The following RAB31 variants were observed in gnomAD, a reference collection of about 807,000 sequenced individuals.
The protein encoded by RAB31 is ras-related protein Rab-31.
Under a neutral mutation model 25.6 loss-of-function variants are expected in RAB31, and 21 were observed. That is an observed-to-expected ratio of 0.82 (90% CI 0.58 to 1.18). RAB31 has a LOEUF of 1.18. Ranked by LOEUF, RAB31 falls within the 50% of genes most tolerant of loss-of-function variation. RAB31 has a pLI of 0.00. For synonymous variants in RAB31, 87 were observed against 84.0 expected (o/e 1.04, Z -0.20); for missense variants, 196 against 250.1 (o/e 0.78, Z 1.46).
intron 1 of RAB31, among the ~76,000 whole-genome samples, chr18:9,736,371 G>T (rs912997533): frequency 6.6e-6 from 1 of 152,156 alleles, no homozygotes; most frequent in South Asian, 2.1e-4. Context: ...CTTATTCCCT[G>T]TCCAGACCTT....
intron 1 of RAB31, among the ~76,000 whole-genome samples, chr18:9,744,633 C>T (rs1028982164): frequency 2.6e-5 from 4 of 152,118 alleles, no homozygotes; most frequent in Admixed American, 2.6e-4. Flanking sequence ...ACAAGAGGAA[C>T]TTGGATGCAA....
intron 1 of RAB31, among the ~76,000 whole-genome samples, chr18:9,759,853 G>A (rs1268830717): frequency 2.0e-5 from 3 of 152,054 alleles, no homozygotes; most frequent in African/African-American, 7.3e-5. Context: ...AGGATCTTGG[G>A]GTGCTGGGGG....
chr18:9,841,979 G>A (rs1599063161), intron 5 of RAB31, among the ~76,000 whole-genome samples: 4 of 152,104 alleles, frequency 2.6e-5, no homozygotes, highest in African/African-American at 9.7e-5. Flanking sequence ...GTCTCATGGG[G>A]CCTAATGCAG....
At chr18:9,746,052 C>T (rs953372319) in intron 1 of RAB31, among the ~76,000 whole-genome samples, 1 of 152,178 alleles carries the variant, frequency 6.6e-6, no homozygotes, top group African/African-American at 2.4e-5. Flanking sequence ...ACTACTGGAA[C>T]TAATACATTC....
chr18:9,859,141 C>A (rs2068834257), intron 6 of RAB31, 87 bp from the exon 7 acceptor site: 1 of 770,400 alleles, frequency 1.3e-6, no homozygotes, highest in Non-Finnish European at 1.9e-6. Context: ...CAGCCCAAAG[C>A]AGGAGTGTTG....
chr18:9,842,206 T>C (rs1433328715), intron 5 of RAB31, among the ~76,000 whole-genome samples: 1 of 152,140 alleles, frequency 6.6e-6, no homozygotes, highest in East Asian at 1.9e-4. Flanking sequence ...ATAGTTCGTA[T>C]TGAGGCTTCA....
At chr18:9,785,622 C>T (rs1416680700) in intron 2 of RAB31, among the ~76,000 whole-genome samples, 2 of 152,228 alleles carry the variant, frequency 1.3e-5, no homozygotes, top group African/African-American at 2.4e-5. Flanking sequence ...CTAATCTGAT[C>T]GCAGGTCATT....
intron 1 of RAB31, among the ~76,000 whole-genome samples, chr18:9,739,340 C>T (rs916681792): frequency 1.3e-5 from 2 of 152,160 alleles, no homozygotes; most frequent in Middle Eastern, 3.4e-3. Flanking sequence ...GGTGTGGTGG[C>T]GAGCACCTGT....
chr18:9,788,909 G>T (rs1162109642), intron 2 of RAB31, among the ~76,000 whole-genome samples: 4 of 152,246 alleles, frequency 2.6e-5, no homozygotes, highest in Admixed American at 6.5e-5. Context: ...TATAGAGGTT[G>T]CAGTGAGCTG....
At chr18:9,730,484 C>T (rs973711316) in intron 1 of RAB31, among the ~76,000 whole-genome samples, 2 of 151,978 alleles carry the variant, frequency 1.3e-5, no homozygotes, top group Non-Finnish European at 2.9e-5. Context: ...GAGACAGGGT[C>T]TCACCGTGTT....
chr18:9,777,615 T>A (rs2068379032), intron 2 of RAB31, among the ~76,000 whole-genome samples: 1 of 152,172 alleles, frequency 6.6e-6, no homozygotes, highest in Non-Finnish European at 1.5e-5. Flanking sequence ...TGTGTATGTG[T>A]TTTAATAATA....
chr18:9,791,517 C>A (rs1348741280), intron 2 of RAB31, among the ~76,000 whole-genome samples: 1 of 151,414 alleles, frequency 6.6e-6, no homozygotes, highest in Non-Finnish European at 1.5e-5. Flanking sequence ...CCTGCCGCAG[C>A]CTCCCAAGTA....
intron 5 of RAB31, among the ~76,000 whole-genome samples, chr18:9,828,292 T>C (rs1291829260): frequency 6.6e-6 from 1 of 152,208 alleles, no homozygotes; most frequent in Non-Finnish European, 1.5e-5. Flanking sequence ...GCTTCCCCAT[T>C]GCCAGGCAGT....
chr18:9,814,252 T>TA (rs1374510203), intron 4 of RAB31, among the ~76,000 whole-genome samples, 161 bp downstream of exon 4: 1 of 152,210 alleles, frequency 6.6e-6, no homozygotes, highest in East Asian at 1.9e-4. Flanking sequence ...ATTTATCTGC[T>TA]AAATTAAACA....
chr18:9,748,336 C>A (rs1049048788), intron 1 of RAB31, among the ~76,000 whole-genome samples: 3 of 151,086 alleles, frequency 2.0e-5, no homozygotes, highest in Non-Finnish European at 4.4e-5. Flanking sequence ...ATCTCTACCC[C>A]CTACCCCCAA....
rs568849488 is a variant in RAB31 at position 9,755,805 on chromosome 18, C to T, written c.40-19473C>T. Among the ~76,000 whole-genome samples the T allele has an allele frequency of 5.9e-5, 9 of 152,306 alleles. No homozygotes were observed. In the East Asian group the frequency reaches 1.7e-3, roughly 29 times the overall value. ...GATGCTAGCGTGCCTCATCTCTGACCTCAGGAGGCCTGGACAATGGAAGAG... is the reference window on the plus strand; with the variant it reads ...GATGCTAGCGTGCCTCATCTCTGACTTCAGGAGGCCTGGACAATGGAAGAG... On this transcript the variant is annotated intron_variant, in intron 1 of 6. Coordinates refer to ENST00000578921, the MANE Select transcript of RAB31 (RefSeq NM_006868.4).
intron 1 of RAB31, among the ~76,000 whole-genome samples, chr18:9,759,539 CA>C (rs59219389): frequency 0.01 from 1,513 of 145,434 alleles, 11 homozygotes; most frequent in Non-Finnish European, 0.016. Flanking sequence ...ACCCTCTCAC[CA>C]AAAAAAAAAA....
At chr18:9,807,675 T>TA (rs1413047274) in intron 3 of RAB31, among the ~76,000 whole-genome samples, 4 of 152,096 alleles carry the variant, frequency 2.6e-5, no homozygotes, top group South Asian at 4.1e-4. Flanking sequence ...CATTGTCTTT[T>TA]AAAAAAACAC....
At chr18:9,738,575 C>T (rs2068162139) in intron 1 of RAB31, among the ~76,000 whole-genome samples, 1 of 152,206 alleles carries the variant, frequency 6.6e-6, no homozygotes, top group African/African-American at 2.4e-5. Context: ...CAGGGGCACA[C>T]TGGGGAGGGC....
Sources: gnomAD v4.1 joint callset for allele counts (sites outside exome capture counted in the v4.1 genomes callset) on GRCh38, gnomAD v4.1.1 for gene constraint, MANE v1.5 for transcripts, NCBI Gene and HGNC (gene_info 2026-07-23, HGNC 2026-07-21) for gene names.